The following SLC19A1 variants were observed in gnomAD, a reference collection of about 807,000 sequenced individuals.
SLC19A1 encodes solute carrier family 19 member 1, also known as reduced folate transporter.
Under a neutral mutation model 35.3 loss-of-function variants are expected in SLC19A1, and 37 were observed. The ratio of observed to expected loss-of-function variants is 1.05; its 90% confidence interval spans 0.81 to 1.38. SLC19A1 has a LOEUF of 1.38. Ranked by LOEUF, SLC19A1 falls within the 40% of genes most tolerant of loss-of-function variation. The pLI, the probability that SLC19A1 is intolerant of heterozygous loss-of-function variation, is 0.00. For missense variants in SLC19A1, 831 were observed against 826.9 expected (o/e 1.00, Z -0.06); for synonymous variants, 460 against 398.5 (o/e 1.15, Z -1.84).
intron 1 of SLC19A1, among the ~76,000 whole-genome samples, chr21:45,562,182 G>T (rs976189213): frequency 6.6e-6 from 1 of 151,370 alleles, no homozygotes; most frequent in African/African-American, 2.4e-5. Flanking sequence ...ACTCCAAAGG[G>T]TTTCCTTTTA....
downstream of SLC19A1, chr21:45,507,686 T>C (rs2037304852): frequency 8.4e-7 from 1 of 1,187,588 alleles, no homozygotes; most frequent in Non-Finnish European, 1.2e-6. Flanking sequence ...CGTGGTCCTT[T>C]GGAGTCCTGG....
upstream of SLC19A1, among the ~76,000 whole-genome samples, chr21:45,545,979 C>A (rs1023143522): frequency 6.6e-6 from 1 of 152,228 alleles, no homozygotes; most frequent in Non-Finnish European, 1.5e-5. Context: ...TCCCGCCAGG[C>A]CTTCGCCCCC....
chr21:45,510,946 C>CCCACAT (rs149520091), downstream of SLC19A1, among the ~76,000 whole-genome samples: 1 of 57,382 alleles, frequency 1.7e-5, no homozygotes, highest in Non-Finnish European at 3.1e-5. Flanking sequence ...AAAACACACA[C>CCCACAT]CCACAACACC....
At chr21:45,552,940 A>G (rs1047560306) in intron 1 of SLC19A1, among the ~76,000 whole-genome samples, 1 of 152,166 alleles carries the variant, frequency 6.6e-6, no homozygotes, top group Non-Finnish European at 1.5e-5. Context: ...CACCCAGGGC[A>G]GTGCCAGCCC....
intron 3 of SLC19A1, chr21:45,507,008 G>A: frequency 3.4e-6 from 1 of 291,516 alleles, no homozygotes; most frequent in Non-Finnish European, 6.9e-6. Flanking sequence ...TAACTTTCAG[G>A]GGCTTTGGTC....
chr21:45,505,479 T>TGGTTCTGCAGCCCCTGCCC, intron 3 of SLC19A1: 1 of 987,240 alleles, frequency 1.0e-6, no homozygotes. Context: ...GTGCCCTGGC[T>TGGTTCTGCAGCCCCTGCCC]GGTTCTGCAG....
At chr21:45,556,469 G>C (rs189620301) in intron 1 of SLC19A1, among the ~76,000 whole-genome samples, 16 of 152,384 alleles carry the variant, frequency 1.0e-4, no homozygotes, top group Admixed American at 2.6e-4. Context: ...AGAGAAGCTT[G>C]AAATCTGTAA....
At chr21:45,512,240 G>A (rs370953127), downstream of SLC19A1, 45 of 1,612,448 alleles carry the variant, frequency 2.8e-5, no homozygotes, top group South Asian at 7.7e-5. Flanking sequence ...CAGGCTGACC[G>A]AGAGCTACTG....
chr21:45,537,534 C>T (rs1430439434), intron 2 of SLC19A1, among the ~76,000 whole-genome samples: 3 of 148,234 alleles, frequency 2.0e-5, no homozygotes, highest in East Asian at 2.0e-4. Context: ...GCTCCCCGCC[C>T]ACCCACAGGC....
chr21:45,505,901 C>T lies in SLC19A1; in HGVS notation c.498-7289G>A. On this transcript the variant is annotated intron_variant, in intron 3 of 4. Transcript: ENST00000417954. ...GGTGCACGAGGTTCCCGAGGGCTGG[C>T]TCATCTTCGTGGCCGAGCAGGAGGA... The T allele has an allele frequency of 1.2e-6, 2 of 1,613,014 alleles. No individual in the cohort carries two copies. The highest frequency in any genetic ancestry group is 1.7e-6 in the Non-Finnish European group (2 of 1,179,964).
In SLC19A1 at chr21:45,530,267, TGTGA is replaced by T. The variant is rs2077820967; in HGVS notation, c.1151+499_1151+502del. Among the ~76,000 whole-genome samples the T allele has an allele frequency of 6.6e-6, 1 of 151,608 alleles. No homozygotes were observed. The highest frequency in any genetic ancestry group is 2.4e-5 in the African/African-American group (1 of 41,150). On this transcript the variant is annotated intron_variant, in intron 4 of 5. Coordinates refer to ENST00000311124, the MANE Select transcript of SLC19A1 (RefSeq NM_194255.4). The surrounding 1 kb of genome is among the most constrained non-coding windows in gnomAD (Gnocchi z 5.3). Reference sequence around the variant, plus strand: ...TGTGTTCATGTGCGATATATCCATGTGTGAGTGTGGTGTGTTTGTCCATGTGTGC... The same window carrying T: ...TGTGTTCATGTGCGATATATCCATGTGTGTGGTGTGTTTGTCCATGTGTGC...
intron 5 of SLC19A1, among the ~76,000 whole-genome samples, chr21:45,523,957 C>G (rs954511394): frequency 6.6e-6 from 1 of 152,206 alleles, no homozygotes; most frequent in South Asian, 2.1e-4. Context: ...GCCTTCTGGG[C>G]CCCCTTTCTG....
chr21:45,546,317 A>T (rs925315847), upstream of SLC19A1, among the ~76,000 whole-genome samples: 3 of 152,196 alleles, frequency 2.0e-5, no homozygotes, highest in African/African-American at 7.2e-5. Flanking sequence ...CGCATCCCCC[A>T]AGTGAGCGCA....
At chr21:45,532,466 C>T (rs1181338003) in intron 2 of SLC19A1, among the ~76,000 whole-genome samples, 1 of 152,200 alleles carries the variant, frequency 6.6e-6, no homozygotes, top group Non-Finnish European at 1.5e-5. Context: ...CAGAGTCTTG[C>T]TCTGTCGCCC....
rs977910864 is a variant in SLC19A1, at chr21:45,514,797, G to A, written c.*861C>T. On this transcript the variant is annotated 3_prime_UTR_variant, in exon 6 of 6. Transcript: ENST00000311124. ...CCGCACCTGTGGGCAAGGCACTAGC[G>A]CTCCTTAGACCCTGAGGCCGCTGGG... 7 of 528,458 alleles carry A rather than the reference G, an allele frequency of 1.3e-5. No individual in the cohort carries two copies. Among genetic ancestry groups the A allele is most frequent in the Admixed American group, 4.0e-5 (1 of 24,996 alleles). 32.7% of individuals were successfully genotyped at this position (528,458 alleles called of 1,614,324 possible). A position where few individuals can be genotyped will look rare whatever the true frequency, so the allele number is the denominator to read the frequency against.
chr21:45,559,619 C>T (rs1395328491), intron 1 of SLC19A1, among the ~76,000 whole-genome samples: 1 of 152,176 alleles, frequency 6.6e-6, no homozygotes, highest in Non-Finnish European at 1.5e-5. Context: ...AAACCTGGAG[C>T]CCGGGGCGTG....
downstream of SLC19A1, chr21:45,511,283 G>A (rs368256387): frequency 1.6e-4 from 152 of 946,368 alleles, no homozygotes; most frequent in African/African-American, 7.5e-4. Flanking sequence ...GAAGGCGGGC[G>A]GGCGGGCTCC....
At chr21:45,548,768 T>A (rs2078437640), upstream of SLC19A1, among the ~76,000 whole-genome samples, 1 of 151,664 alleles carries the variant, frequency 6.6e-6, no homozygotes, top group Non-Finnish European at 1.5e-5. Context: ...TAAATAAATA[T>A]ATGCAAAAGA....
At chr21:45,510,477 A>G (rs1170147738), downstream of SLC19A1, among the ~76,000 whole-genome samples, 1 of 151,966 alleles carries the variant, frequency 6.6e-6, no homozygotes, top group Non-Finnish European at 1.5e-5. Flanking sequence ...CACGTCCCCC[A>G]GGGCATCCCA....
Sources: gnomAD v4.1 joint callset for allele counts (sites outside exome capture counted in the v4.1 genomes callset) on GRCh38, gnomAD v4.1.1 for gene constraint, Gnocchi (gnomAD v3.1) non-coding constraint, MANE v1.5 for transcripts, NCBI Gene and HGNC (gene_info 2026-07-23, HGNC 2026-07-21) for gene names.